The following TPX2 variants were observed in gnomAD, a reference collection of about 807,000 sequenced individuals.
The protein encoded by TPX2 is TPX2 microtubule nucleation factor.
TPX2 carries 21 observed loss-of-function variants against 93.6 expected under a neutral mutation model. The observed-to-expected ratio is 0.22, with a 90% confidence interval of 0.16 to 0.32. The LOEUF is 0.32. Ranked by LOEUF, TPX2 falls within the 10% of genes least tolerant of loss-of-function variation. The pLI is 1.00. For missense variants in TPX2, 776 were observed against 871.1 expected (o/e 0.89, Z 1.37); for synonymous variants, 281 against 298.3 (o/e 0.94, Z 0.60).
intron 4 of TPX2, among the ~76,000 whole-genome samples, chr20:31,762,956 T>G (rs1014870242): frequency 6.6e-6 from 1 of 152,174 alleles, no homozygotes; most frequent in African/African-American, 2.4e-5. Context: ...ATGTTCTTGG[T>G]GCTGTTGTCA....
chr20:31,767,627 C>G (rs1476709169), intron 5 of TPX2, among the ~76,000 whole-genome samples: 1 of 152,062 alleles, frequency 6.6e-6, no homozygotes, highest in Non-Finnish European at 1.5e-5. Context: ...TCATGGCTCA[C>G]TGTAGCCACA....
Position 31,769,975 on chromosome 20 carries a change from A to T in TPX2, c.357-368A>T, listed in dbSNP as rs917941432. Among the ~76,000 whole-genome samples, 12 of 152,132 alleles carry T rather than the reference A, an allele frequency of 7.9e-5. No individual in the cohort carries two copies. The East Asian group carries it at 9.7e-4, about 12-fold the overall frequency. ...AGCACGTAGGGCTAATTTTTAAAAAATTTTTTGTAGAGACAGGGTCTTGAT... is the reference window on the plus strand; with the variant it reads ...AGCACGTAGGGCTAATTTTTAAAAATTTTTTTGTAGAGACAGGGTCTTGAT... On this transcript the variant is annotated intron_variant, in intron 5 of 17. Coordinates refer to ENST00000300403, the MANE Select transcript of TPX2 (RefSeq NM_012112.5).
At position 31,739,627 on chromosome 20, in the gene TPX2, G is replaced by A. The variant is rs148213214; in HGVS notation, c.-178+6G>A. ...GAGGCTGTCGGCTAATAACGGTAAC[G>A]ATAATTATTGTTATTACCATGCTAA... is the stretch of plus-strand genomic sequence containing the variant. On this transcript the variant is annotated splice_donor_region_variant and intron_variant, in intron 1 of 17. Transcript: ENST00000300403. The A allele has an allele frequency of 6.6e-6, 1 of 152,310 alleles. No homozygotes were observed. The highest frequency in any genetic ancestry group is 1.9e-4 in the East Asian group (1 of 5,180). 9.4% of individuals were successfully genotyped at this position (152,310 alleles called of 1,614,324 possible). A position where few individuals can be genotyped will look rare whatever the true frequency, so the allele number is the denominator to read the frequency against.
At chr20:31,741,388 T>C (rs1475324255) in intron 1 of TPX2, among the ~76,000 whole-genome samples, 1 of 149,768 alleles carries the variant, frequency 6.7e-6, no homozygotes, top group Non-Finnish European at 1.5e-5. Context: ...TTCAGCTCAC[T>C]GCAACTTCTG....
intron 2 of TPX2, among the ~76,000 whole-genome samples, chr20:31,754,061 T>A (rs1364070664): frequency 6.6e-6 from 1 of 151,888 alleles, no homozygotes; most frequent in Non-Finnish European, 1.5e-5. Flanking sequence ...CAATAACAGA[T>A]GTTTCTGAGA....
intron 2 of TPX2, among the ~76,000 whole-genome samples, chr20:31,750,694 T>C (rs1195847331): frequency 6.6e-6 from 1 of 152,056 alleles, no homozygotes; most frequent in Non-Finnish European, 1.5e-5. Context: ...TAGTTCTATA[T>C]AGAAATATTA....
chr20:31,775,103 G>A (rs1047178769), intron 7 of TPX2, among the ~76,000 whole-genome samples: 6 of 151,736 alleles, frequency 4.0e-5, no homozygotes, highest in African/African-American at 1.2e-4. Flanking sequence ...AGGATTACAG[G>A]TGCCTGCCAC....
chr20:31,742,932 C>A (rs545799193), intron 2 of TPX2, among the ~76,000 whole-genome samples: 5 of 151,882 alleles, frequency 3.3e-5, no homozygotes, highest in Non-Finnish European at 7.4e-5. Flanking sequence ...TTCTCATATG[C>A]GGCCGGTTAC....
At chr20:31,772,377 G>A (rs2061969772) in intron 7 of TPX2, among the ~76,000 whole-genome samples, 2 of 152,054 alleles carry the variant, frequency 1.3e-5, no homozygotes, top group Non-Finnish European at 2.9e-5. Flanking sequence ...TGTTGCCCAG[G>A]CTCTCAAACT....
chr20:31,781,131 C>T (rs2062030895), intron 10 of TPX2: 1 of 169,080 alleles, frequency 5.9e-6, no homozygotes, highest in South Asian at 1.2e-4. Context: ...ATTATGTTGC[C>T]CAGGCTGGTC....
intron 2 of TPX2, among the ~76,000 whole-genome samples, chr20:31,754,771 G>A (rs2061841223): frequency 1.3e-5 from 2 of 151,920 alleles, no homozygotes; most frequent in African/African-American, 2.4e-5. Flanking sequence ...TGAAAATCAA[G>A]GATAAGTAAT....
rs1191541739 is a variant in TPX2, at chr20:31,783,717, A to G, written c.1209A>G (p.Lys403=). The G allele has an allele frequency of 1.3e-6, 2 of 1,593,248 alleles. No individual in the cohort carries two copies. Among genetic ancestry groups the G allele is most frequent in the Admixed American group, 1.9e-5 (1 of 52,328 alleles). Residue 403 remains lysine, a synonymous_variant, in exon 12 of 18, where the codon AAA becomes AAG. Transcript: ENST00000300403. ...ELEKLQQYKF[K]ARELDPRILE... ...TTTCACCTTACAGATACAAATTCAA[A>G]GCACGTGAACTTGATCCCAGAATAC...
chr20:31,799,128 C>T (rs1037232052), intron 17 of TPX2, among the ~76,000 whole-genome samples: 5 of 152,162 alleles, frequency 3.3e-5, no homozygotes, highest in African/African-American at 9.7e-5. Flanking sequence ...GTTCGTCGCT[C>T]CAGGTAATCC....
intron 2 of TPX2, among the ~76,000 whole-genome samples, chr20:31,753,132 C>T (rs1568921971): frequency 6.6e-6 from 1 of 152,170 alleles, no homozygotes; most frequent in Non-Finnish European, 1.5e-5. Context: ...AGACAGAAGA[C>T]TATGGAGAAT....
In TPX2 at chr20:31,801,455, T is replaced by A. The variant is rs116120278; in HGVS notation, c.*375T>A. 6.0e-3 allele frequency: 975 copies of A among 163,172 alleles called. 10 individuals carry two copies. The highest frequency in any genetic ancestry group is 0.016 in the African/African-American group (680 of 41,942). The allele number at this position is 163,172 out of a possible 1,614,324, so 10.1% of individuals were successfully genotyped here. On this transcript the variant is annotated 3_prime_UTR_variant, in exon 18 of 18. Coordinates refer to ENST00000300403, the MANE Select transcript of TPX2 (RefSeq NM_012112.5). The stretch of plus-strand genomic sequence containing the variant: ...ACTCTCACCCTCTCCCCACTTTTTT[T>A]AAAAATTTTAACCAGAAAATAAAGA...
At chr20:31,799,121 C>T (rs981919362) in intron 17 of TPX2, among the ~76,000 whole-genome samples, 5 of 152,108 alleles carry the variant, frequency 3.3e-5, no homozygotes, top group Non-Finnish European at 7.4e-5. Flanking sequence ...TTACAGTGTT[C>T]GTCGCTCCAG....
intron 7 of TPX2, among the ~76,000 whole-genome samples, chr20:31,772,114 G>T (rs2061967959): frequency 6.7e-6 from 1 of 148,332 alleles, no homozygotes; most frequent in Non-Finnish European, 1.5e-5. Flanking sequence ...TCTGCCTCCC[G>T]AGTTCAAACA....
At chr20:31,784,349 C>T (rs867860090) in intron 12 of TPX2, among the ~76,000 whole-genome samples, 1 of 152,100 alleles carries the variant, frequency 6.6e-6, no homozygotes, top group African/African-American at 2.4e-5. Context: ...CATATATTAG[C>T]CCATTAGTTT....
chr20:31,796,266 G>T (rs1416034028), intron 15 of TPX2, among the ~76,000 whole-genome samples: 1 of 152,052 alleles, frequency 6.6e-6, no homozygotes, highest in African/African-American at 2.4e-5. Context: ...TCTTACACTG[G>T]ATACTTCTAC....
Sources: gnomAD v4.1 joint callset for allele counts (sites outside exome capture counted in the v4.1 genomes callset) on GRCh38, gnomAD v4.1.1 for gene constraint, MANE v1.5 for transcripts, NCBI Gene and HGNC (gene_info 2026-07-23, HGNC 2026-07-21) for gene names.